Variants in ATP11A observed in about 807,000 individuals in gnomAD.
ATP11A encodes phospholipid-transporting ATPase IH.
Under a neutral mutation model 154.4 loss-of-function variants are expected in ATP11A, and 81 were observed. That is an observed-to-expected ratio of 0.52 (90% CI 0.44 to 0.63). ATP11A has a LOEUF of 0.63. Among genes scored for constraint, ATP11A ranks in the 30% least tolerant of loss-of-function variants. The pLI is 0.00. For missense variants in ATP11A, 1,316 were observed against 1,474.3 expected, an observed-to-expected ratio of 0.89 and a Z score of 1.76; for synonymous variants, 623 against 585.9, an observed-to-expected ratio of 1.06 and a Z score of -0.91.
intron 15 of ATP11A, among the ~76,000 whole-genome samples, chr13:112,835,086 G>C (rs532771269): frequency 6.6e-6 from 1 of 152,260 alleles, no homozygotes; most frequent in Non-Finnish European, 1.5e-5. Context: ...CACGTGCTGG[G>C]AGCACAGCGT....
At chr13:112,711,434 C>T (rs1887737560) in intron 1 of ATP11A, among the ~76,000 whole-genome samples, 1 of 152,006 alleles carries the variant, frequency 6.6e-6, no homozygotes, top group South Asian at 2.1e-4. Flanking sequence ...TAGCAAGACC[C>T]TGTCTCTGAT....
In ATP11A at chr13:112,746,314, T is replaced by C. The variant is rs948325162; in HGVS notation, c.40-38821T>C. The C allele has an allele frequency of 6.6e-6, 1 of 152,168 alleles. No individual in the cohort carries two copies. The highest frequency in any genetic ancestry group is 2.1e-4 in the South Asian group (1 of 4,818). 9.4% of individuals were successfully genotyped at this position (152,168 alleles called of 1,614,324 possible). A position where few individuals can be genotyped will look rare whatever the true frequency, so the allele number is the denominator to read the frequency against. On this transcript the variant is annotated intron_variant, in intron 1 of 29. Transcript: ENST00000375645. This position sits in a 1 kb window ranked among gnomAD's most constrained non-coding sequence, Gnocchi z 4.1. ...CACTTGCACCAACAGTGCACAGGGC[T>C]CCGGTTCCCCACGTCCTCACCGGGT...
intron 27 of ATP11A, among the ~76,000 whole-genome samples, chr13:112,873,885 C>G (rs1352403789): frequency 6.6e-6 from 1 of 152,054 alleles, no homozygotes; most frequent in African/African-American, 2.4e-5. Context: ...TTGCATCTTC[C>G]GGGGGAGAAA....
intron 2 of ATP11A, among the ~76,000 whole-genome samples, chr13:112,802,609 C>T (rs1161139373): frequency 2.7e-5 from 4 of 148,262 alleles, no homozygotes; most frequent in South Asian, 2.1e-4. Flanking sequence ...GATCACACAC[C>T]GTTCAAGAAA....
At chr13:112,828,193 G>A (rs1238398759) in intron 12 of ATP11A, among the ~76,000 whole-genome samples, 1 of 143,298 alleles carries the variant, frequency 7.0e-6, no homozygotes, top group Admixed American at 7.2e-5. Flanking sequence ...CAGCAGCATT[G>A]AGTGCGGGGG....
chr13:112,824,409 C>A lies in ATP11A; in HGVS notation c.856C>A (p.Arg286=). Residue 286 remains arginine (R), a synonymous_variant, in exon 10 of 30, where the codon CGA becomes AGA. Transcript: ENST00000375645. ...AAATTATCAATCAAAATCTCAGAAGCGATCTGCCGTGGAAAAGTAAGGCTG... is the reference window on the plus strand; with the variant it reads ...AAATTATCAATCAAAATCTCAGAAGAGATCTGCCGTGGAAAAGTAAGGCTG... ...ALNYQSKSQK[R]SAVEKSMNAF... is the part of the protein sequence containing the mutation. The A allele has an allele frequency of 1.2e-6, 2 of 1,614,070 alleles. No homozygotes were observed. Among genetic ancestry groups the A allele is most frequent in the Non-Finnish European group, 1.7e-6 (2 of 1,179,962 alleles).
intron 17 of ATP11A, among the ~76,000 whole-genome samples, chr13:112,848,406 G>T (rs573227514): frequency 6.6e-6 from 1 of 152,148 alleles, no homozygotes; most frequent in African/African-American, 2.4e-5. Context: ...TAGTTTTCGT[G>T]TGTTGACTTT....
intron 1 of ATP11A, among the ~76,000 whole-genome samples, chr13:112,708,118 C>T (rs888160958): frequency 6.6e-6 from 1 of 151,114 alleles, no homozygotes; most frequent in Non-Finnish European, 1.5e-5. Context: ...TTCACCTGAC[C>T]TCTCACCAAC....
intron 1 of ATP11A, among the ~76,000 whole-genome samples, chr13:112,705,652 A>G (rs1367018545): frequency 6.6e-6 from 1 of 152,240 alleles, no homozygotes; most frequent in African/African-American, 2.4e-5. Context: ...AGGGATGAGC[A>G]GAGGCCTAGT....
chr13:112,741,414 G>A (rs1383574622), intron 1 of ATP11A, among the ~76,000 whole-genome samples: 1 of 152,180 alleles, frequency 6.6e-6, no homozygotes, highest in Non-Finnish European at 1.5e-5. Context: ...GGGTGGAGAA[G>A]GTGGCCCGGT....
Position 112,696,362 on chromosome 13 carries a change from G to T in ATP11A, c.39+5907G>T, listed in dbSNP as rs914198874. Among the ~76,000 whole-genome samples the T allele has an allele frequency of 6.6e-6, 1 of 152,030 alleles. No individual in the cohort carries two copies. The highest frequency in any genetic ancestry group is 1.5e-5 in the Non-Finnish European group (1 of 67,984). ...GTGGGTGACCTTGCCCTGCTCTCCC[G>T]GGGAGAGCGGTGGTCACTGGTGGGA... On this transcript the variant is annotated intron_variant, in intron 1 of 29. Coordinates refer to ENST00000375645, the MANE Select transcript of ATP11A (RefSeq NM_015205.3). This position sits in a 1 kb window ranked among gnomAD's most constrained non-coding sequence, Gnocchi z 6.2.
At chr13:112,771,078 C>T (rs573789767) in intron 1 of ATP11A, among the ~76,000 whole-genome samples, 58 of 152,168 alleles carry the variant, frequency 3.8e-4, no homozygotes, top group Admixed American at 5.9e-4. Context: ...AGGTGTCTAA[C>T]CCTGGCTAAA....
intron 3 of ATP11A, 80 bp downstream of exon 3, chr13:112,805,126 G>A (rs561221375): frequency 7.1e-5 from 74 of 1,046,410 alleles, no homozygotes; most frequent in East Asian, 7.5e-5. Flanking sequence ...ACTGCCACAC[G>A]GCTAATGAAA....
intron 2 of ATP11A, among the ~76,000 whole-genome samples, chr13:112,792,714 C>T (rs190776276): frequency 3.7e-4 from 57 of 152,300 alleles, no homozygotes; most frequent in Non-Finnish European, 6.8e-4. Context: ...GCCCCGTTCC[C>T]TGCTTCCTGT....
At chr13:112,769,688 G>T (rs555407346) in intron 1 of ATP11A, among the ~76,000 whole-genome samples, 2 of 152,214 alleles carry the variant, frequency 1.3e-5, no homozygotes. Flanking sequence ...CTGAGTCTAA[G>T]GGAAAGCTGC....
At chr13:112,876,701 G>A (rs1273282110) in intron 28 of ATP11A, among the ~76,000 whole-genome samples, 1 of 152,238 alleles carries the variant, frequency 6.6e-6, no homozygotes, top group Non-Finnish European at 1.5e-5. Context: ...GCCCAATGGG[G>A]AAATGAGGGG....
chr13:112,724,471 T>G (rs1889592083), intron 1 of ATP11A, among the ~76,000 whole-genome samples: 1 of 146,780 alleles, frequency 6.8e-6, no homozygotes, highest in Admixed American at 6.7e-5. Flanking sequence ...GAGCCCCCTG[T>G]CCCCGTGGAG....
intron 1 of ATP11A, among the ~76,000 whole-genome samples, chr13:112,765,840 G>T (rs1240528859): frequency 1.3e-5 from 2 of 152,226 alleles, no homozygotes; most frequent in Non-Finnish European, 2.9e-5. Flanking sequence ...CAATACAAAC[G>T]ATTTTCTGTA....
intron 8 of ATP11A, among the ~76,000 whole-genome samples, chr13:112,820,423 C>T (rs1017776177): frequency 1.3e-5 from 2 of 152,252 alleles, no homozygotes; most frequent in African/African-American, 4.8e-5. Flanking sequence ...TCACACCTAC[C>T]TGAGAAGGTG....
Sources: gnomAD v4.1 joint callset for allele counts (sites outside exome capture counted in the v4.1 genomes callset) on GRCh38, gnomAD v4.1.1 for gene constraint, Gnocchi (gnomAD v3.1) non-coding constraint, MANE v1.5 for transcripts, NCBI Gene and HGNC (gene_info 2026-07-23, HGNC 2026-07-21) for gene names.